The following CDH12 variants were observed in gnomAD, a reference collection of about 807,000 sequenced individuals.
CDH12 encodes the protein cadherin 12.
CDH12 carries 41 observed loss-of-function variants against 74.1 expected under a neutral mutation model. The ratio of observed to expected loss-of-function variants is 0.55; its 90% CI spans 0.43 to 0.72. CDH12 has a LOEUF of 0.72. CDH12 is among the 30% of genes least tolerant of loss of function. The probability of loss-of-function intolerance (pLI) is 0.00; values close to 1 mark genes in which losing one functional copy is unlikely to be tolerated. For missense variants in CDH12, 945 were observed against 977.2 expected, an observed-to-expected ratio of 0.97 and a Z score of 0.44; for synonymous variants, 399 against 355.0, an observed-to-expected ratio of 1.12 and a Z score of -1.39.
intron 2 of CDH12, among the ~76,000 whole-genome samples, chr5:22,483,947 C>A (rs1056331411): frequency 2.0e-5 from 3 of 149,058 alleles, no homozygotes; most frequent in African/African-American, 7.4e-5. Flanking sequence ...CATATAAGAT[C>A]GGGAATTCCA....
intron 3 of CDH12, among the ~76,000 whole-genome samples, chr5:22,284,225 G>A (rs537775546): frequency 2.0e-5 from 3 of 152,248 alleles, no homozygotes; most frequent in East Asian, 3.9e-4. Context: ...AAGTAGTAAT[G>A]AGCATGAAAA....
intron 4 of CDH12, among the ~76,000 whole-genome samples, chr5:22,152,925 C>T (rs879418814): frequency 4.6e-5 from 7 of 152,136 alleles, no homozygotes; most frequent in Non-Finnish European, 8.8e-5. Flanking sequence ...CATCCATGTG[C>T]AACCCCCTAG....
chr5:22,016,391 G>A lies in CDH12; in HGVS notation c.232-41006C>T, dbSNP rs191764229. 1.8e-3 allele frequency among the ~76,000 whole-genome samples: 278 copies of A among 151,902 alleles called. 2 individuals are homozygous for A. The highest frequency in any genetic ancestry group is 4.7e-4 in the Non-Finnish European group (32 of 67,882). On this transcript the variant is annotated intron_variant, in intron 5 of 14. Coordinates refer to ENST00000382254, the MANE Select transcript of CDH12 (RefSeq NM_004061.5). ...CCCATTTATAGAATCACTTATATAAGATTTTTTTTGTTTGTTTTTTTTGGA... is the reference window on the plus strand; with the variant it reads ...CCCATTTATAGAATCACTTATATAAAATTTTTTTTGTTTGTTTTTTTTGGA...
chr5:22,603,302 C>T (rs564964538), intron 1 of CDH12, among the ~76,000 whole-genome samples: 3 of 152,126 alleles, frequency 2.0e-5, no homozygotes, highest in African/African-American at 7.2e-5. Context: ...ATAGTTACTG[C>T]TAAGATGTTG....
chr5:22,211,244 C>T (rs1420181242), intron 4 of CDH12, among the ~76,000 whole-genome samples: 2 of 152,016 alleles, frequency 1.3e-5, no homozygotes, highest in African/African-American at 4.8e-5. Flanking sequence ...ACTTGAGATA[C>T]CATTATAAAT....
At chr5:22,115,586 T>G (rs1745041437) in intron 4 of CDH12, among the ~76,000 whole-genome samples, 2 of 152,124 alleles carry the variant, frequency 1.3e-5, no homozygotes, top group African/African-American at 4.8e-5. Context: ...TTTGACAAAT[T>G]GGAAATGCAA....
chr5:22,765,830 C>T (rs899686128), intron 1 of CDH12, among the ~76,000 whole-genome samples: 1 of 151,634 alleles, frequency 6.6e-6, no homozygotes, highest in Non-Finnish European at 1.5e-5. Flanking sequence ...AGAAGATACA[C>T]AGATCACAAA....
At position 22,546,047 on chromosome 5, in the gene CDH12, C is replaced by A. The variant is rs373452836; in HGVS notation, c.-522-40683G>T. Among the ~76,000 whole-genome samples, 45 of 152,130 alleles carry A rather than the reference C, an allele frequency of 3.0e-4. No homozygotes were observed. The East Asian group carries it at 3.1e-3, about 11-fold the overall frequency. ...GCAACCCCTGCCTCCCTGGTTCAGG[C>A]AATTCTCCTGCCTCAGCCTCCCAAG... On this transcript the variant is annotated intron_variant, in intron 1 of 14. Coordinates refer to ENST00000382254, the MANE Select transcript of CDH12 (RefSeq NM_004061.5).
At chr5:22,653,193 A>G (rs1211321895) in intron 1 of CDH12, among the ~76,000 whole-genome samples, 2 of 152,082 alleles carry the variant, frequency 1.3e-5, no homozygotes, top group Non-Finnish European at 2.9e-5. Flanking sequence ...CCTTCTCTAA[A>G]TACATTTATT....
chr5:22,255,541 C>A (rs1311366771), intron 3 of CDH12, among the ~76,000 whole-genome samples: 5 of 151,362 alleles, frequency 3.3e-5, no homozygotes, highest in East Asian at 1.9e-4. Context: ...TAAAAGTTGA[C>A]CAAATAACAT....
intron 1 of CDH12, among the ~76,000 whole-genome samples, chr5:22,572,325 A>G (rs1245758816): frequency 6.6e-6 from 1 of 152,204 alleles, no homozygotes; most frequent in Non-Finnish European, 1.5e-5. Flanking sequence ...CTGGTGGGTC[A>G]ATATTTTTCA....
At chr5:22,747,742 TAAG>T in intron 1 of CDH12, among the ~76,000 whole-genome samples, 1 of 152,158 alleles carries the variant, frequency 6.6e-6, no homozygotes, top group East Asian at 1.9e-4. Flanking sequence ...ATGTGATTCT[TAAG>T]AATGATTTAC....
Position 21,751,951 on chromosome 5 carries a change from T to C in CDH12, c.2171A>G (p.Asn724Ser), listed in dbSNP as rs1271162911. 2 of 1,613,866 alleles carry C rather than the reference T, an allele frequency of 1.2e-6. No individual in the cohort carries two copies. The highest frequency in any genetic ancestry group is 1.7e-6 in the Non-Finnish European group (2 of 1,179,928). The part of the protein sequence containing the change: ...RDFIHQRLQE[N>S]DVDPTAPPYD... The stretch of plus-strand genomic sequence containing the variant: ...TGGTGGGGCAGTTGGATCCACATCA[T>C]TTTCCTGTAGCCTTTGATGAATGAA... Residue 724 changes from asparagine to serine, a missense_variant, in exon 15 of 15, where the codon AAT (asparagine) becomes AGT (serine). Asn to Ser is a conservative substitution (Grantham distance 46). Coordinates refer to ENST00000382254, the MANE Select transcript of CDH12 (RefSeq NM_004061.5).
intron 2 of CDH12, among the ~76,000 whole-genome samples, chr5:22,470,081 T>G (rs1475340077): frequency 6.6e-6 from 1 of 152,196 alleles, no homozygotes; most frequent in Non-Finnish European, 1.5e-5. Flanking sequence ...AGCAGCCTTC[T>G]GGTGTAGAAA....
At chr5:22,440,466 C>T (rs961896251) in intron 2 of CDH12, among the ~76,000 whole-genome samples, 2 of 152,048 alleles carry the variant, frequency 1.3e-5, no homozygotes, top group South Asian at 2.1e-4. Context: ...TAGTTGCTTA[C>T]GGTTGCCATG....
At chr5:22,587,798 A>G (rs1740481793) in intron 1 of CDH12, among the ~76,000 whole-genome samples, 1 of 151,870 alleles carries the variant, frequency 6.6e-6, no homozygotes, top group Admixed American at 6.6e-5. Flanking sequence ...ATGAATCAAC[A>G]TTCAATAGAT....
chr5:21,936,786 T>C (rs1219795570), intron 6 of CDH12, among the ~76,000 whole-genome samples: 1 of 152,096 alleles, frequency 6.6e-6, no homozygotes, highest in Non-Finnish European at 1.5e-5. Context: ...TATGCTGTTC[T>C]TGTGATAGTG....
intron 10 of CDH12, among the ~76,000 whole-genome samples, chr5:21,798,187 T>C (rs891525404): frequency 1.3e-5 from 2 of 152,014 alleles, no homozygotes; most frequent in Non-Finnish European, 2.9e-5. Flanking sequence ...GGTTAATACA[T>C]AATAATTACC....
At chr5:22,155,178 G>A (rs1361307074) in intron 4 of CDH12, among the ~76,000 whole-genome samples, 1 of 152,080 alleles carries the variant, frequency 6.6e-6, no homozygotes, top group Non-Finnish European at 1.5e-5. Flanking sequence ...CTTATAGAAA[G>A]GCTCATGTGA....
Sources: allele counts gnomAD v4.1 joint callset (sites outside exome capture counted in the v4.1 genomes callset), GRCh38; gene constraint gnomAD v4.1.1; transcripts MANE v1.5; gene names NCBI Gene and HGNC (gene_info 2026-07-23, HGNC 2026-07-21).